Variants in FAM222A observed in about 807,000 individuals in gnomAD.
FAM222A encodes the protein protein FAM222A.
FAM222A carries 7 observed loss-of-function variants against 25.8 expected under a neutral mutation model. The ratio of observed to expected loss-of-function variants is 0.27; its 90% confidence interval spans 0.15 to 0.51. The LOEUF is 0.51. FAM222A is among the 20% of genes least tolerant of loss of function. FAM222A has a pLI of 0.97. For synonymous variants in FAM222A, 294 were observed against 298.8 expected (o/e 0.98, Z 0.17); for missense variants, 573 against 640.5 (o/e 0.89, Z 1.14).
At chr12:109,744,063 G>T in intron 1 of FAM222A, 38 bp from the exon 2 acceptor site, 10 of 1,541,582 alleles carry the variant, frequency 6.5e-6, no homozygotes, top group Non-Finnish European at 8.7e-6. Context: ...ACACGGAGCA[G>T]CCCCCAAGTG....
intron 2 of FAM222A, among the ~76,000 whole-genome samples, chr12:109,746,442 T>G (rs948013493): frequency 6.6e-6 from 1 of 151,836 alleles, no homozygotes; most frequent in Non-Finnish European, 1.5e-5. Flanking sequence ...TAAGCCAAGA[T>G]AGCGCCACTG....
intron 1 of FAM222A, among the ~76,000 whole-genome samples, chr12:109,727,801 G>A (rs907593035): frequency 1.8e-4 from 27 of 152,156 alleles, no homozygotes; most frequent in Non-Finnish European, 8.8e-5. Context: ...ATAGGTGCTG[G>A]GGACTGGGCC....
intron 2 of FAM222A, among the ~76,000 whole-genome samples, chr12:109,754,649 G>A (rs2160759): frequency 0.011 from 1,636 of 151,882 alleles, 87 homozygotes; most frequent in Admixed American, 0.083. Context: ...TTGGCCCACA[G>A]GCAGTAGTTT....
chr12:109,732,454 G>A (rs562566199), intron 1 of FAM222A, among the ~76,000 whole-genome samples: 5 of 152,340 alleles, frequency 3.3e-5, no homozygotes, highest in East Asian at 1.9e-4. Flanking sequence ...CCACCTGCCC[G>A]GCCGCCTGCC....
In FAM222A at chr12:109,759,323, C is replaced by T. The variant is rs143064661; in HGVS notation, c.83-8689C>T. On this transcript the variant is annotated intron_variant, in intron 2 of 2. Coordinates refer to ENST00000538780, the MANE Select transcript of FAM222A (RefSeq NM_032829.3). The stretch of plus-strand genomic sequence containing the variant: ...GCCTGGCCCTGCCTGGCTCACTCTG[C>T]GGTAGGTGCCTGGGGTCCCATATCA... Among the ~76,000 whole-genome samples, 457 of 152,226 alleles carry T rather than the reference C, an allele frequency of 3.0e-3. 3 individuals are homozygous for T. The highest frequency in any genetic ancestry group is 0.011 in the African/African-American group (445 of 41,536).
In FAM222A at chr12:109,769,665, G is replaced by T. The variant is rs889092669; in HGVS notation, c.*377G>T. The T allele has an allele frequency of 4.1e-6, 1 of 243,166 alleles. No individual in the cohort carries two copies. The highest frequency in any genetic ancestry group is 7.9e-6 in the Non-Finnish European group (1 of 126,016). The allele number at this position is 243,166 out of a possible 1,614,324, so 15.1% of individuals were successfully genotyped here. A position where few individuals can be genotyped will look rare whatever the true frequency, so the allele number is the denominator to read the frequency against. ...AGGTGGGGTGCAGGAGGAAACAGGC[G>T]CACCAGAGTCAGGGTGGGGGCAGGG... On this transcript the variant is annotated 3_prime_UTR_variant, in exon 3 of 3. Transcript: ENST00000538780.
At chr12:109,717,568 G>A (rs983824206) in intron 1 of FAM222A, among the ~76,000 whole-genome samples, 2 of 152,210 alleles carry the variant, frequency 1.3e-5, no homozygotes, top group Non-Finnish European at 2.9e-5. Context: ...GGAGCAGCCA[G>A]TGATGTGTGT....
At position 109,713,974 on chromosome 12, in the gene FAM222A, C is replaced by G. The variant is rs1030107713; in HGVS notation, c.-970C>G. 6.8e-6 allele frequency among the ~76,000 whole-genome samples: 1 copy of G among 146,162 alleles called. No individual in the cohort carries two copies. Among genetic ancestry groups the G allele is most frequent in the African/African-American group, 2.5e-5 (1 of 40,754 alleles). On this transcript the variant is annotated 5_prime_UTR_variant, in exon 1 of 3. Transcript: ENST00000538780. Reference sequence around the variant, plus strand: ...CCGGGCCTGAGACCAGGCGAGGCGCCGGCGCGCGCCAGACGGCGCGAGGCT... The same window carrying G: ...CCGGGCCTGAGACCAGGCGAGGCGCGGGCGCGCGCCAGACGGCGCGAGGCT...
At chr12:109,747,898 CTTTA>C (rs1041543451) in intron 2 of FAM222A, among the ~76,000 whole-genome samples, 2 of 152,110 alleles carry the variant, frequency 1.3e-5, no homozygotes, top group African/African-American at 4.8e-5. Context: ...ACCTTAATTT[CTTTA>C]TTTTATTTAA....
At chr12:109,720,036 T>C (rs1043625384) in intron 1 of FAM222A, 1 of 951,356 alleles carries the variant, frequency 1.1e-6, no homozygotes, top group East Asian at 1.2e-4. Context: ...AGCTTTCTCA[T>C]GGGCTTGTGG....
intron 2 of FAM222A, among the ~76,000 whole-genome samples, chr12:109,757,870 C>G (rs1888779612): frequency 6.6e-6 from 1 of 152,112 alleles, no homozygotes; most frequent in Non-Finnish European, 1.5e-5. Flanking sequence ...GGGCTGAAGG[C>G]AAAAGGACAG....
rs996179172 is a variant in FAM222A at position 109,768,481 on chromosome 12, G to A, written c.552G>A (p.Leu184=). 6.2e-7 allele frequency: 1 copy of A among 1,603,780 alleles called. No homozygotes were observed. The change falls in exon 3 of 3, where the codon CTG becomes CTA. Residue 184 remains leucine (L), a synonymous_variant. Transcript: ENST00000538780. Reference sequence around the variant, plus strand: ...CCACTGCCGCCTCCGTCATCCCCCTGCCGGGCCGGGGCCTGCCCCTGCCAC... The same window carrying A: ...CCACTGCCGCCTCCGTCATCCCCCTACCGGGCCGGGGCCTGCCCCTGCCAC... The part of the protein sequence containing the change: ...AAATAASVIP[L]PGRGLPLPPS...
chr12:109,739,013 G>C (rs1407355852), intron 1 of FAM222A, among the ~76,000 whole-genome samples: 1 of 152,236 alleles, frequency 6.6e-6, no homozygotes, highest in Non-Finnish European at 1.5e-5. Flanking sequence ...TGGACACCAG[G>C]AAGGGCCTGG....
chr12:109,723,647 T>G (rs1887790539), intron 1 of FAM222A, among the ~76,000 whole-genome samples: 1 of 152,196 alleles, frequency 6.6e-6, no homozygotes, highest in Non-Finnish European at 1.5e-5. Flanking sequence ...TGCCTGGCTG[T>G]GCTCCCACTC....
chr12:109,738,197 G>T (rs1888138675), intron 1 of FAM222A, among the ~76,000 whole-genome samples: 1 of 152,128 alleles, frequency 6.6e-6, no homozygotes, highest in Non-Finnish European at 1.5e-5. Context: ...CTGGGCAAGG[G>T]TCCCTCCACT....
intron 2 of FAM222A, among the ~76,000 whole-genome samples, chr12:109,753,404 CAG>C (rs1239591952): frequency 1.3e-5 from 2 of 152,172 alleles, no homozygotes; most frequent in South Asian, 2.1e-4. Flanking sequence ...GGGTCAAATA[CAG>C]AGAGTGCCCT....
chr12:109,764,044 A>G (rs1330218172), intron 2 of FAM222A, among the ~76,000 whole-genome samples: 1 of 152,070 alleles, frequency 6.6e-6, no homozygotes, highest in Non-Finnish European at 1.5e-5. Context: ...AGCCTGGGCA[A>G]CATAGTGAGA....
At chr12:109,760,254 A>G (rs764406620) in intron 2 of FAM222A, among the ~76,000 whole-genome samples, 3 of 152,170 alleles carry the variant, frequency 2.0e-5, no homozygotes, top group Non-Finnish European at 2.9e-5. Flanking sequence ...GGCGTGGGGC[A>G]GGGGAAACAC....
chr12:109,734,523 C>T (rs150877390), intron 1 of FAM222A: 3 of 151,348 alleles, frequency 2.0e-5, no homozygotes, highest in South Asian at 4.2e-4. Flanking sequence ...CCTGTCATGT[C>T]GGTGCATTTA....
Sources: allele counts gnomAD v4.1 joint callset (sites outside exome capture counted in the v4.1 genomes callset), GRCh38; gene constraint gnomAD v4.1.1; transcripts MANE v1.5; gene names NCBI Gene and HGNC (gene_info 2026-07-23, HGNC 2026-07-21).